The following KANSL1 variants were observed in gnomAD, a reference collection of about 807,000 sequenced individuals.
The protein encoded by KANSL1 is KAT8 regulatory NSL complex subunit 1, also known as MLL1/MLL complex subunit KANSL1.
A neutral mutation model predicts 103.6 loss-of-function variants in KANSL1; 22 were observed. The ratio of observed to expected loss-of-function variants is 0.21; its 90% CI spans 0.15 to 0.30. The LOEUF (loss-of-function observed/expected upper bound fraction) is 0.30. Among genes scored for constraint, KANSL1 ranks in the 10% least tolerant of loss-of-function variants. The probability of loss-of-function intolerance (pLI) is 1.00; values close to 1 mark genes in which losing one functional copy is unlikely to be tolerated. For missense variants in KANSL1, 1,337 were observed against 1,399.8 expected (o/e 0.96, Z 0.72); for synonymous variants, 600 against 527.6 (o/e 1.14, Z -1.88).
intron 10 of KANSL1, 52 bp from the exon 11 acceptor site, chr17:46,034,337 A>G: frequency 1.3e-6 from 2 of 1,597,698 alleles, no homozygotes; most frequent in Non-Finnish European, 1.7e-6. Flanking sequence ...ACAGACATCA[A>G]ATCATTCATC....
At chr17:46,169,949 G>A (rs967822209) in intron 2 of KANSL1, among the ~76,000 whole-genome samples, 39 of 152,134 alleles carry the variant, frequency 2.6e-4, no homozygotes, top group Non-Finnish European at 3.5e-4. Context: ...TGGTCGACAC[G>A]GTGAAACTCA....
Position 46,030,699 on chromosome 17 carries a change from C to G in KANSL1, c.*777G>C, listed in dbSNP as rs1443999029. The G allele has an allele frequency of 6.6e-6, 1 of 151,854 alleles. No homozygotes were observed. Among genetic ancestry groups the G allele is most frequent in the African/African-American group, 2.4e-5 (1 of 41,278 alleles). The allele number at this position is 151,854 out of a possible 1,614,324, so 9.4% of individuals were successfully genotyped here. On this transcript the variant is annotated 3_prime_UTR_variant, in exon 15 of 15. Transcript: ENST00000432791. ...TAGTCCTAACCCTACCTTCAAAGAT[C>G]AGGATAGGTGGTAAAAATATTCCAA...
In KANSL1 at chr17:46,171,503, C is replaced by G. The variant is rs746645554; in HGVS notation, c.641G>C (p.Ser214Thr). 1 of 1,613,954 alleles carries G rather than the reference C, an allele frequency of 6.2e-7. No individual in the cohort carries two copies. The highest frequency in any genetic ancestry group is 1.3e-5 in the African/African-American group (1 of 74,894). ...CAAAGTTGTGTGTTCTACATCAAGG[C>G]TTCTATGTGGAAGAGTGCAATTGGT... ...GMTNCTLPHR[S>T]LDVEHTTLYS... is the part of the protein sequence containing the mutation. Residue 214 changes from serine (S) to threonine (T), a missense_variant, in exon 2 of 15, where the codon AGC (serine) becomes ACC (threonine). Transcript: ENST00000432791.
chr17:46,201,371 C>A (rs2047799889), intron 1 of KANSL1, among the ~76,000 whole-genome samples: 1 of 152,174 alleles, frequency 6.6e-6, no homozygotes, highest in Non-Finnish European at 1.5e-5. Context: ...ATAGTAAAAT[C>A]AGATATACTT....
chr17:46,152,715 A>C (rs1222885411), intron 2 of KANSL1, among the ~76,000 whole-genome samples: 1 of 152,240 alleles, frequency 6.6e-6, no homozygotes, highest in Non-Finnish European at 1.5e-5. Context: ...TAATAAGCGA[A>C]TTCACTGATA....
At chr17:46,139,855 A>G (rs746229264) in intron 2 of KANSL1, among the ~76,000 whole-genome samples, 1 of 151,806 alleles carries the variant, frequency 6.6e-6, no homozygotes, top group African/African-American at 2.4e-5. Context: ...AAGGGAAAGA[A>G]AAGAAAAGAA....
chr17:46,031,451 G>A lies in KANSL1; in HGVS notation c.*25C>T, dbSNP rs1323279372. 3 of 1,562,070 alleles carry A rather than the reference G, an allele frequency of 1.9e-6. No homozygotes were observed. The highest frequency in any genetic ancestry group is 2.7e-5 in the African/African-American group (2 of 74,256). On this transcript the variant is annotated 3_prime_UTR_variant, in exon 15 of 15. Coordinates refer to ENST00000432791, the MANE Select transcript of KANSL1 (RefSeq NM_015443.4). ...AAGCTTTAATGCCAATAGTTAGTGA[G>A]TCTGTTTAGATGGCTGTCTCCCGCT...
chr17:46,051,442 T>C (rs753175209), intron 6 of KANSL1, among the ~76,000 whole-genome samples: 19 of 152,360 alleles, frequency 1.2e-4, no homozygotes, highest in Non-Finnish European at 1.0e-4. Flanking sequence ...GAATAATTGA[T>C]AACCTCTCCA....
chr17:46,220,174 C>T (rs1188319034), intron 1 of KANSL1, among the ~76,000 whole-genome samples: 1 of 152,118 alleles, frequency 6.6e-6, no homozygotes, highest in Non-Finnish European at 1.5e-5. Context: ...GACTTCCAGA[C>T]ACAGAAAGAG....
At chr17:46,141,058 T>C (rs2044394710) in intron 2 of KANSL1, among the ~76,000 whole-genome samples, 1 of 152,072 alleles carries the variant, frequency 6.6e-6, no homozygotes, top group South Asian at 2.1e-4. Context: ...GAACAGTGAT[T>C]GATCCTGTTT....
chr17:46,076,494 TCA>T (rs2078777162), intron 4 of KANSL1, among the ~76,000 whole-genome samples: 1 of 101,462 alleles, frequency 9.9e-6, no homozygotes. Flanking sequence ...AGACTTCATC[TCA>T]AAAAAAAAAA....
chr17:46,180,245 C>T (rs1000136190), intron 1 of KANSL1, among the ~76,000 whole-genome samples: 14 of 152,148 alleles, frequency 9.2e-5, no homozygotes, highest in African/African-American at 3.4e-4. Flanking sequence ...CCTGCAATCC[C>T]CGCACTTTGG....
chr17:46,054,596 T>C (rs771248902), intron 6 of KANSL1, among the ~76,000 whole-genome samples: 8 of 152,200 alleles, frequency 5.3e-5, no homozygotes, highest in Non-Finnish European at 1.2e-4. Flanking sequence ...TCACGAGGAA[T>C]AGAAACCAAA....
At chr17:46,125,612 T>C (rs1447049352) in intron 2 of KANSL1, among the ~76,000 whole-genome samples, 2 of 152,210 alleles carry the variant, frequency 1.3e-5, no homozygotes, top group Non-Finnish European at 2.9e-5. Flanking sequence ...CCAAATCATA[T>C]ATACAGTGTA....
intron 4 of KANSL1, among the ~76,000 whole-genome samples, chr17:46,077,064 T>C: frequency 6.6e-6 from 1 of 152,218 alleles, no homozygotes; most frequent in East Asian, 1.9e-4. Flanking sequence ...ATGTTTTTGT[T>C]TGTTTGAGGC....
chr17:46,068,641 T>C (rs2078467475), intron 4 of KANSL1, among the ~76,000 whole-genome samples: 2 of 152,050 alleles, frequency 1.3e-5, no homozygotes, highest in African/African-American at 4.8e-5. Flanking sequence ...AAAATCTCAA[T>C]GAATCTAATT....
At chr17:46,038,961 T>C in intron 9 of KANSL1, 66 bp downstream of exon 9, 1 of 1,562,136 alleles carries the variant, frequency 6.4e-7, no homozygotes, top group Non-Finnish European at 8.7e-7. Flanking sequence ...AAGAGAAGCC[T>C]AGGCTGCCCC....
chr17:46,210,486 A>G (rs1246104290), intron 1 of KANSL1, among the ~76,000 whole-genome samples: 6 of 582 alleles, frequency 0.01, no homozygotes, highest in African/African-American at 0.011. Flanking sequence ...AAAAAAAAAA[A>G]AAAAAAAAAA....
intron 2 of KANSL1, among the ~76,000 whole-genome samples, chr17:46,126,035 G>A (rs2043540462): frequency 6.6e-6 from 1 of 152,172 alleles, no homozygotes; most frequent in South Asian, 2.1e-4. Flanking sequence ...AGTACCAGTA[G>A]GAATTCAAAC....
Sources: gnomAD v4.1 joint callset for allele counts (sites outside exome capture counted in the v4.1 genomes callset) on GRCh38, gnomAD v4.1.1 for gene constraint, MANE v1.5 for transcripts, NCBI Gene and HGNC (gene_info 2026-07-23, HGNC 2026-07-21) for gene names.